The following GNPTG variants were observed in gnomAD, a reference collection of about 807,000 sequenced individuals.
The protein encoded by GNPTG is N-acetylglucosamine-1-phosphotransferase subunit gamma.
In GNPTG, 46 loss-of-function variants were observed where a neutral mutation model predicts 43.8. The observed-to-expected ratio is 1.05, with a 90% CI of 0.83 to 1.34. GNPTG has a LOEUF of 1.34. GNPTG is among the 40% of genes most tolerant of loss of function. The pLI, the probability that GNPTG is intolerant of heterozygous loss-of-function variation, is 0.00. For missense variants in GNPTG, 549 were observed against 411.3 expected, an observed-to-expected ratio of 1.33 and a Z score of -2.90; for synonymous variants, 250 against 172.8, an observed-to-expected ratio of 1.45 and a Z score of -3.50.
In GNPTG at chr16:1,362,701, C is replaced by A. The variant is rs775816256; in HGVS notation, c.700C>A (p.Pro234Thr). 15 of 1,614,058 alleles carry A rather than the reference C, an allele frequency of 9.3e-6. No individual in the cohort carries two copies. Among genetic ancestry groups the A allele is most frequent in the Non-Finnish European group, 1.2e-5 (14 of 1,180,022 alleles). The change falls in exon 9 of 11, where the codon CCT becomes ACT. Residue 234 changes from proline (P) to threonine (T), a missense_variant. Coordinates refer to ENST00000204679, the MANE Select transcript of GNPTG (RefSeq NM_032520.5). ...TGAACCCACCCAGCTGGAGGGAGGT[C>A]CTGACAGCTTGGGGTTTGAGACCCT... The part of the protein sequence containing the change: ...ENEPTQLEGG[P>T]DSLGFETLEN...
At chr16:1,353,229 G>A (rs1266054721) in intron 3 of GNPTG, among the ~76,000 whole-genome samples, 4 of 152,078 alleles carry the variant, frequency 2.6e-5, no homozygotes, top group African/African-American at 7.2e-5. Context: ...CGCCCATCTC[G>A]GCCTCCAAAA....
chr16:1,362,316 G>C lies in GNPTG; in HGVS notation c.522G>C (p.Leu174Phe). The change falls in exon 7 of 11, where the codon TTG becomes TTC. Residue 174 changes from leucine (L) to phenylalanine (F), a missense_variant. Physicochemically the swap from Leu to Phe is conservative, Grantham distance 22. Transcript: ENST00000204679. ...CCCTCGTCTGCCACCCCCACGCCTT[G>C]CTAGGTAGGGGTGCGGGACGCAGTT... ...ETPLVCHPHALLVYPTLPEAL... is the reference protein window; with the variant it reads ...ETPLVCHPHAFLVYPTLPEAL... 5 of 1,612,724 alleles carry C rather than the reference G, an allele frequency of 3.1e-6. No homozygotes were observed. The highest frequency in any genetic ancestry group is 4.2e-6 in the Non-Finnish European group (5 of 1,179,690).
chr16:1,352,100 A>G lies in GNPTG; in HGVS notation c.53-2A>G, dbSNP rs779597308. 1.3e-5 allele frequency: 20 copies of G among 1,569,658 alleles called. No homozygotes were observed. The highest frequency in any genetic ancestry group is 1.6e-5 in the Non-Finnish European group (18 of 1,159,190). ...CCCCGCTCACGGTCTCGCTCCCCGT[A>G]GGGCCCGCGCCGGCAGGTGCAGCGA... On this transcript the variant is annotated splice_acceptor_variant, in intron 1 of 10. Transcript: ENST00000204679. LOFTEE classifies it high-confidence loss of function.
intron 3 of GNPTG, among the ~76,000 whole-genome samples, chr16:1,360,120 T>C (rs1192317076): frequency 6.7e-6 from 1 of 150,236 alleles, no homozygotes; most frequent in Non-Finnish European, 1.5e-5. Flanking sequence ...AAAAAAAAAG[T>C]GGCGTATGGA....
At chr16:1,362,560 T>C (rs745410307) in intron 8 of GNPTG, 26 bp downstream of exon 8, 1 of 1,614,126 alleles carries the variant, frequency 6.2e-7, no homozygotes, top group Non-Finnish European at 8.5e-7. Context: ...GGGTGGCCCC[T>C]GGTGGGCCTG....
At chr16:1,353,033 G>A (rs557497178) in intron 3 of GNPTG, among the ~76,000 whole-genome samples, 15 of 145,100 alleles carry the variant, frequency 1.0e-4, no homozygotes, top group African/African-American at 3.9e-4. Flanking sequence ...GCAGTGGCAC[G>A]ATCTCGGCTC....
chr16:1,352,359 C>T, intron 3 of GNPTG, 53 bp downstream of exon 3: 1 of 1,514,888 alleles, frequency 6.6e-7, no homozygotes, highest in African/African-American at 1.4e-5. Flanking sequence ...GGAGCAGCAA[C>T]AGTGGAGGAT....
intron 3 of GNPTG, among the ~76,000 whole-genome samples, chr16:1,355,151 T>C (rs2034754168): frequency 6.6e-6 from 1 of 152,038 alleles, no homozygotes; most frequent in Non-Finnish European, 1.5e-5. Flanking sequence ...GTGTGGATGG[T>C]CTCCCGCGTC....
rs1328878665 is a variant in GNPTG, at chr16:1,363,204, CA to C, written c.*116del. ...CTTGTGCTCAGAGAAGCAGACAAAA[CA>C]AAGATTCAAGGTTTTAATTAATTCC... is the stretch of plus-strand genomic sequence containing the variant. On this transcript the variant is annotated 3_prime_UTR_variant, in exon 11 of 11. Coordinates refer to ENST00000204679, the MANE Select transcript of GNPTG (RefSeq NM_032520.5). 1.1e-6 allele frequency: 1 copy of C among 876,284 alleles called. No individual in the cohort carries two copies. Among genetic ancestry groups the C allele is most frequent in the Non-Finnish European group, 1.8e-6 (1 of 542,042 alleles). The allele number at this position is 876,284 out of a possible 1,614,324, so 54.3% of individuals were successfully genotyped here.
chr16:1,352,630 T>A lies in GNPTG; in HGVS notation c.178+324T>A, dbSNP rs183688618. 1.4e-3 allele frequency: 520 copies of A among 373,712 alleles called. 1 individual carries two copies. Among genetic ancestry groups the A allele is most frequent in the African/African-American group, 9.5e-3 (456 of 47,818 alleles). 23.1% of individuals were successfully genotyped at this position (373,712 alleles called of 1,614,324 possible). The stretch of plus-strand genomic sequence containing the variant: ...AGTTTTTGTAATCTAATCGCTTTTT[T>A]AAAAAATCATGCTGCGCGAGTATTT... On this transcript the variant is annotated intron_variant, in intron 3 of 10. Transcript: ENST00000204679.
In GNPTG at chr16:1,361,734, C is replaced by G. The variant is rs1162803274; in HGVS notation, c.179-9C>G. The G allele has an allele frequency of 6.2e-7, 1 of 1,614,098 alleles. No homozygotes were observed. Among genetic ancestry groups the G allele is most frequent in the Non-Finnish European group, 8.5e-7 (1 of 1,180,002 alleles). ...TGGACCCTGGGGATCAGTGTGAGGT[C>G]TCTTCCAGGACCCGTGCATCTCTTC... On this transcript the variant is annotated splice_polypyrimidine_tract_variant and intron_variant, in intron 3 of 10. Coordinates refer to ENST00000204679, the MANE Select transcript of GNPTG (RefSeq NM_032520.5).
intron 3 of GNPTG, among the ~76,000 whole-genome samples, chr16:1,356,884 G>A (rs1415585758): frequency 1.9e-4 from 1 of 5,152 alleles, no homozygotes; most frequent in Non-Finnish European, 5.1e-4. Flanking sequence ...TGCGGGCGGG[G>A]GTCTGCGGGC....
chr16:1,357,197 CAAGG>C (rs1480462217), intron 3 of GNPTG, among the ~76,000 whole-genome samples: 2 of 152,190 alleles, frequency 1.3e-5, no homozygotes, highest in African/African-American at 4.8e-5. Context: ...TGGTATTTGA[CAAGG>C]AAGGACCAGG....
chr16:1,362,865 G>GT lies in GNPTG; in HGVS notation c.785dup (p.Leu262PhefsTer37). ...TCAAAGGAGATCAAAAGGCTGAAAG[G>GT]TTTGCTCACCCAGCACGGCATCCCC... is the stretch of plus-strand genomic sequence containing the variant. On this transcript the variant is annotated frameshift_variant, in exon 10 of 11. Coordinates refer to ENST00000204679, the MANE Select transcript of GNPTG (RefSeq NM_032520.5). LOFTEE classifies it low-confidence loss of function (END_TRUNC). The GT allele has an allele frequency of 3.1e-6, 5 of 1,613,832 alleles. No homozygotes were observed. Among genetic ancestry groups the GT allele is most frequent in the African/African-American group, 1.3e-5 (1 of 74,968 alleles).
intron 3 of GNPTG, among the ~76,000 whole-genome samples, chr16:1,355,979 A>G (rs1231099826): frequency 6.8e-6 from 1 of 147,476 alleles, no homozygotes; most frequent in African/African-American, 2.5e-5. Context: ...GGTGAGGGTG[A>G]GGTCCCCGGT....
intron 2 of GNPTG, 31 bp downstream of exon 2, chr16:1,352,190 C>T (rs765747805): frequency 5.8e-6 from 9 of 1,555,596 alleles, no homozygotes; most frequent in South Asian, 1.2e-5. Context: ...GCGGCTCGAG[C>T]GGGGGACGGC....
Position 1,351,970 on chromosome 16 carries a change from C to A in GNPTG, c.5C>A (p.Ala2Glu), listed in dbSNP as rs1161652552. The A allele has an allele frequency of 4.6e-6, 6 of 1,314,860 alleles. No homozygotes were observed. The highest frequency in any genetic ancestry group is 5.8e-6 in the Non-Finnish European group (6 of 1,036,718). The allele number at this position is 1,314,860 out of a possible 1,614,324, so 81.4% of individuals were successfully genotyped here. M[A>E]AGLARLLLLL... ...CGCGGCGGCCGCTGCGGCGCGATGG[C>A]GGCGGGGCTGGCGCGGCTCCTGTTG... The change falls in exon 1 of 11, where the codon GCG becomes GAG. Residue 2 changes from alanine to glutamate, a missense_variant. Physicochemically the swap from Ala to Glu is moderately radical, Grantham distance 107. Coordinates refer to ENST00000204679, the MANE Select transcript of GNPTG (RefSeq NM_032520.5).
chr16:1,355,524 CG>C (rs1248960911), intron 3 of GNPTG, among the ~76,000 whole-genome samples: 2 of 152,066 alleles, frequency 1.3e-5, no homozygotes, highest in East Asian at 3.9e-4. Flanking sequence ...CCAGATGAGT[CG>C]GGAGCCTCGT....
At chr16:1,352,802 C>G (rs967200495) in intron 3 of GNPTG, among the ~76,000 whole-genome samples, 1 of 151,852 alleles carries the variant, frequency 6.6e-6, no homozygotes, top group African/African-American at 2.4e-5. Context: ...TTTTTTTGGC[C>G]ATTAGAAATA....
Sources: gnomAD v4.1 joint callset for allele counts (sites outside exome capture counted in the v4.1 genomes callset) on GRCh38, gnomAD v4.1.1 for gene constraint, MANE v1.5 for transcripts, NCBI Gene and HGNC (gene_info 2026-07-23, HGNC 2026-07-21) for gene names.